The following LRMDA variants were observed in gnomAD, a reference collection of about 807,000 sequenced individuals.
The protein encoded by LRMDA is leucine rich melanocyte differentiation associated.
LRMDA carries 18 observed loss-of-function variants against 29.8 expected under a neutral mutation model. That is an observed-to-expected ratio of 0.60 (90% confidence interval 0.42 to 0.90). The LOEUF (loss-of-function observed/expected upper bound fraction) is 0.90. Among genes scored for constraint, LRMDA ranks in the 40% least tolerant of loss-of-function variants. The pLI, the probability that LRMDA is intolerant of heterozygous loss-of-function variation, is 0.00. For missense variants in LRMDA, 273 were observed against 273.9 expected, an observed-to-expected ratio of 1.00 and a Z score of 0.02; for synonymous variants, 125 against 109.4, an observed-to-expected ratio of 1.14 and a Z score of -0.89.
chr10:76,315,485 T>C (rs1564721271), intron 5 of LRMDA, among the ~76,000 whole-genome samples: 1 of 152,228 alleles, frequency 6.6e-6, no homozygotes, highest in Non-Finnish European at 1.5e-5. Context: ...CAGAGCAAAG[T>C]TGTGGCCAAG....
intron 2 of LRMDA, among the ~76,000 whole-genome samples, chr10:75,625,246 T>C (rs560308647): frequency 1.1e-3 from 167 of 152,334 alleles, no homozygotes; most frequent in African/African-American, 3.8e-3. Flanking sequence ...TTCAGCACTT[T>C]ACATGCACCA....
At chr10:76,245,194 A>G (rs1014960231) in intron 5 of LRMDA, among the ~76,000 whole-genome samples, 2 of 152,174 alleles carry the variant, frequency 1.3e-5, no homozygotes, top group Admixed American at 1.3e-4. Flanking sequence ...TCTCTTATAT[A>G]TATCATCCAG....
intron 5 of LRMDA, among the ~76,000 whole-genome samples, chr10:76,075,792 T>C (rs999467862): frequency 2.0e-5 from 3 of 152,156 alleles, no homozygotes; most frequent in Non-Finnish European, 2.9e-5. Flanking sequence ...GGCATCTTGG[T>C]CAGGTAGGGG....
At chr10:75,467,017 T>A (rs930534771) in intron 2 of LRMDA, among the ~76,000 whole-genome samples, 3 of 152,146 alleles carry the variant, frequency 2.0e-5, no homozygotes, top group Non-Finnish European at 2.9e-5. Flanking sequence ...ATGTGGGGGC[T>A]TAGGCATTAG....
chr10:76,296,356 C>T (rs1295958808), intron 5 of LRMDA, among the ~76,000 whole-genome samples: 2 of 152,232 alleles, frequency 1.3e-5, no homozygotes, highest in Non-Finnish European at 2.9e-5. Context: ...TGTGCTGCCA[C>T]TCCTGCAGGC....
intron 2 of LRMDA, among the ~76,000 whole-genome samples, chr10:75,489,484 G>C (rs1844957884): frequency 6.6e-6 from 1 of 152,156 alleles, no homozygotes. Flanking sequence ...TTGTTTATTT[G>C]GGATTCTCAA....
intron 5 of LRMDA, among the ~76,000 whole-genome samples, chr10:76,204,023 G>T (rs1357998018): frequency 7.2e-6 from 1 of 138,384 alleles, no homozygotes; most frequent in Non-Finnish European, 1.5e-5. Flanking sequence ...TATTTCATGT[G>T]CCTGTCCACC....
chr10:75,833,889 C>A (rs761596794), intron 2 of LRMDA, among the ~76,000 whole-genome samples: 1 of 152,132 alleles, frequency 6.6e-6, no homozygotes, highest in Non-Finnish European at 1.5e-5. Flanking sequence ...CAGTCCCAAG[C>A]AATTTTATAC....
chr10:76,053,463 ATTG>A (rs975066210), intron 4 of LRMDA, among the ~76,000 whole-genome samples: 16 of 152,198 alleles, frequency 1.1e-4, no homozygotes, highest in Non-Finnish European at 2.9e-5. Flanking sequence ...TTGAATTGAT[ATTG>A]TAAAAGCCTT....
chr10:75,694,879 T>C (rs1477841536), intron 2 of LRMDA, among the ~76,000 whole-genome samples: 1 of 152,224 alleles, frequency 6.6e-6, no homozygotes. Flanking sequence ...ATTGCTCACA[T>C]TGATCTGCAT....
At chr10:75,871,734 G>T in intron 2 of LRMDA, among the ~76,000 whole-genome samples, 1 of 152,098 alleles carries the variant, frequency 6.6e-6, no homozygotes, top group East Asian at 1.9e-4. Flanking sequence ...CCCAATATCG[G>T]ACTGATTGTG....
intron 6 of LRMDA, among the ~76,000 whole-genome samples, chr10:76,353,330 T>TTGTGTGTGTGTGTGTG (rs3998122): frequency 6.8e-6 from 1 of 146,192 alleles, no homozygotes; most frequent in African/African-American, 2.5e-5. Flanking sequence ...AGCTGTGGAG[T>TTGTGTGTGTGTGTGTG]TGTGTGTGTG....
At chr10:75,484,972 A>G (rs1844894818) in intron 2 of LRMDA, among the ~76,000 whole-genome samples, 3 of 152,258 alleles carry the variant, frequency 2.0e-5, no homozygotes, top group South Asian at 2.1e-4. Flanking sequence ...ATAGAAAGGT[A>G]AAACTATTTA....
intron 2 of LRMDA, among the ~76,000 whole-genome samples, chr10:75,608,575 A>G (rs1174894082): frequency 1.3e-5 from 2 of 152,204 alleles, no homozygotes; most frequent in Non-Finnish European, 2.9e-5. Flanking sequence ...ATGTACATGT[A>G]TATTAAAGCA....
chr10:75,936,687 T>C (rs1846300282), intron 2 of LRMDA, among the ~76,000 whole-genome samples: 1 of 152,130 alleles, frequency 6.6e-6, no homozygotes, highest in African/African-American at 2.4e-5. Context: ...TTATGGTTCA[T>C]AGACAGCGAC....
chr10:76,523,292 C>T (rs894468027), intron 6 of LRMDA, among the ~76,000 whole-genome samples: 3 of 152,050 alleles, frequency 2.0e-5, no homozygotes, highest in Admixed American at 6.5e-5. Flanking sequence ...GCTTGTGTGT[C>T]GAAGGGCTTT....
At chr10:75,828,067 T>A (rs749866325) in intron 2 of LRMDA, among the ~76,000 whole-genome samples, 1 of 152,174 alleles carries the variant, frequency 6.6e-6, no homozygotes, top group Non-Finnish European at 1.5e-5. Flanking sequence ...TTGGGACTGA[T>A]GTGTTGAATA....
intron 2 of LRMDA, among the ~76,000 whole-genome samples, chr10:75,542,949 G>A (rs1170849187): frequency 6.6e-6 from 1 of 152,190 alleles, no homozygotes; most frequent in African/African-American, 2.4e-5. Flanking sequence ...TAATGACACC[G>A]AGGAGTGACA....
At chr10:76,006,952 G>A (rs1031941583) in intron 2 of LRMDA, among the ~76,000 whole-genome samples, 6 of 150,578 alleles carry the variant, frequency 4.0e-5, no homozygotes, top group Non-Finnish European at 5.9e-5. Flanking sequence ...AATGCTCCCT[G>A]GTCCTGCTAA....
Sources: gnomAD v4.1 joint callset for allele counts (sites outside exome capture counted in the v4.1 genomes callset) on GRCh38, gnomAD v4.1.1 for gene constraint, MANE v1.5 for transcripts, NCBI Gene and HGNC (gene_info 2026-07-23, HGNC 2026-07-21) for gene names.